Variants in DPP6 observed in about 807,000 individuals in gnomAD.
The protein encoded by DPP6 is A-type potassium channel modulatory protein DPP6.
In DPP6, 69 loss-of-function variants were observed where a neutral mutation model predicts 122.6. The observed-to-expected ratio is 0.56, with a 90% CI of 0.46 to 0.69. DPP6 has a LOEUF of 0.69. DPP6 is among the 30% of genes least tolerant of loss of function. The probability of loss-of-function intolerance (pLI) is 0.00; values close to 1 mark genes in which losing one functional copy is unlikely to be tolerated. For missense variants in DPP6, 928 were observed against 1,116.9 expected (o/e 0.83, Z 2.41); for synonymous variants, 418 against 433.1 (o/e 0.97, Z 0.43).
chr7:154,259,888 G>C (rs1321560476), intron 1 of DPP6, among the ~76,000 whole-genome samples: 1 of 152,188 alleles, frequency 6.6e-6, no homozygotes, highest in African/African-American at 2.4e-5. Context: ...TAGCAGAGCA[G>C]GCACGTGGCT....
At chr7:154,586,554 G>A (rs1324391641) in intron 5 of DPP6, among the ~76,000 whole-genome samples, 1 of 152,148 alleles carries the variant, frequency 6.6e-6, no homozygotes, top group Non-Finnish European at 1.5e-5. Context: ...ATGAAGCTGT[G>A]CTGCCCAGGC....
At chr7:154,202,316 A>G (rs1040390791) in intron 1 of DPP6, among the ~76,000 whole-genome samples, 3 of 152,216 alleles carry the variant, frequency 2.0e-5, no homozygotes, top group African/African-American at 7.2e-5. Context: ...TGGAGGAGTA[A>G]AAATACGGTG....
intron 1 of DPP6, chr7:154,095,978 A>G (rs1210890382): frequency 7.8e-6 from 1 of 128,396 alleles, no homozygotes; most frequent in Admixed American, 8.3e-5. Flanking sequence ...AGGCGAGACC[A>G]GGGAGTCGAG....
chr7:154,741,425 G>A (rs1186192713), intron 8 of DPP6, among the ~76,000 whole-genome samples: 1 of 152,214 alleles, frequency 6.6e-6, no homozygotes, highest in African/African-American at 2.4e-5. Flanking sequence ...GCTCCATCCA[G>A]TCGATGGAAA....
intron 5 of DPP6, among the ~76,000 whole-genome samples, chr7:154,632,184 G>A (rs922697249): frequency 6.6e-6 from 1 of 152,174 alleles, no homozygotes; most frequent in Non-Finnish European, 1.5e-5. Flanking sequence ...AGTAGGTTAT[G>A]GTCTGTTTAC....
At chr7:154,871,857 A>G (rs1000290488) in intron 18 of DPP6, among the ~76,000 whole-genome samples, 1 of 152,248 alleles carries the variant, frequency 6.6e-6, no homozygotes, top group Non-Finnish European at 1.5e-5. Context: ...ACATCAACAA[A>G]TAAATTCAAC....
the DPP6 span, among the ~76,000 whole-genome samples, chr7:153,825,003 G>A: frequency 9.2e-5 from 14 of 152,196 alleles, 1 homozygote; most frequent in Admixed American, 5.2e-4. Context: ...AGGGGAGGCA[G>A]CACTCTCATC....
intron 2 of DPP6, among the ~76,000 whole-genome samples, chr7:154,471,988 TC>T (rs1822317106): frequency 3.3e-5 from 5 of 151,996 alleles, no homozygotes; most frequent in Admixed American, 3.3e-4. Flanking sequence ...ACTGAAGAAA[TC>T]ATCCAAATAC....
Position 154,803,863 on chromosome 7 carries a change from G to A in DPP6, c.1408-1G>A, listed in dbSNP as rs1798529714. ...CCTGATGCCATGTCTGTGTGTTTCAGCCCAACAGCAGCAACGACAACATCC... is the reference window on the plus strand; with the variant it reads ...CCTGATGCCATGTCTGTGTGTTTCAACCCAACAGCAGCAACGACAACATCC... On this transcript the variant is annotated splice_acceptor_variant, in intron 13 of 25. Coordinates refer to ENST00000377770, the MANE Select transcript of DPP6 (RefSeq NM_130797.4). LOFTEE classifies it high-confidence loss of function. 1 of 1,613,338 alleles carries A rather than the reference G, an allele frequency of 6.2e-7. No homozygotes were observed. Among genetic ancestry groups the A allele is most frequent in the African/African-American group, 1.3e-5 (1 of 74,916 alleles).
chr7:154,291,227 A>G (rs904486477), intron 1 of DPP6, among the ~76,000 whole-genome samples: 88 of 152,174 alleles, frequency 5.8e-4, no homozygotes, highest in African/African-American at 1.9e-3. Context: ...CCCTAACATT[A>G]CATTAGAAAC....
Position 154,885,663 on chromosome 7 carries a change from C to T in DPP6, c.2164C>T (p.Leu722Phe), listed in dbSNP as rs775140592. Residue 722 changes from leucine (L) to phenylalanine (F), a missense_variant, in exon 22 of 26, where the codon CTC becomes TTC. Coordinates refer to ENST00000377770, the MANE Select transcript of DPP6 (RefSeq NM_130797.4). Reference sequence around the variant, plus strand: ...CGGTGGCTACCTGAGCACCTACATCCTCCCAGCAAAGGGAGAAAATCAAGG... The same window carrying T: ...CGGTGGCTACCTGAGCACCTACATCTTCCCAGCAAAGGGAGAAAATCAAGG... ...DYGGYLSTYI[L>F]PAKGENQGQT... 1.3e-6 allele frequency: 2 copies of T among 1,587,896 alleles called. No individual in the cohort carries two copies. Among genetic ancestry groups the T allele is most frequent in the East Asian group, 2.3e-5 (1 of 43,620 alleles).
At chr7:154,758,987 C>T (rs1487879277) in intron 8 of DPP6, among the ~76,000 whole-genome samples, 1 of 152,184 alleles carries the variant, frequency 6.6e-6, no homozygotes, top group African/African-American at 2.4e-5. Context: ...CTCAAAGTTG[C>T]TCTTCTCTTT....
At position 154,483,637 on chromosome 7, in the gene DPP6, A is replaced by G. The variant is rs1823523210; in HGVS notation, c.457+8600A>G. ...TCTGACTGGTTAGTCTTTAAGTTTCACTTTTCTTTAATATAGGCATTTATG... is the reference window on the plus strand; with the variant it reads ...TCTGACTGGTTAGTCTTTAAGTTTCGCTTTTCTTTAATATAGGCATTTATG... On this transcript the variant is annotated intron_variant, in intron 3 of 25. Coordinates refer to ENST00000377770, the MANE Select transcript of DPP6 (RefSeq NM_130797.4). This position sits in a 1 kb window ranked among gnomAD's most constrained non-coding sequence, Gnocchi z 8.1. 6.6e-6 allele frequency among the ~76,000 whole-genome samples: 1 copy of G among 152,156 alleles called. No homozygotes were observed. The highest frequency in any genetic ancestry group is 6.5e-5 in the Admixed American group (1 of 15,282).
chr7:153,826,152 A>G, the DPP6 span, among the ~76,000 whole-genome samples: 3,383 of 152,322 alleles, frequency 0.022, 122 homozygotes, highest in African/African-American at 0.076. Flanking sequence ...CTGAACTGCC[A>G]GGGCCATCTC....
At chr7:154,147,500 C>T (rs1414005868) in intron 1 of DPP6, among the ~76,000 whole-genome samples, 7,255 of 140,918 alleles carry the variant, frequency 0.051, no homozygotes, top group African/African-American at 0.19. Context: ...CTTTCTTTTT[C>T]TGTCGGAGTC....
the DPP6 span, among the ~76,000 whole-genome samples, chr7:153,762,051 T>C: frequency 6.6e-6 from 1 of 152,336 alleles, no homozygotes; most frequent in East Asian, 1.9e-4. Context: ...CCTGCAGTCA[T>C]AGAAATATGC....
At chr7:154,850,789 T>C (rs1802307634) in intron 16 of DPP6, among the ~76,000 whole-genome samples, 2 of 152,334 alleles carry the variant, frequency 1.3e-5, no homozygotes, top group East Asian at 3.9e-4. Flanking sequence ...TTATCAGCTG[T>C]AACATCTCTT....
At chr7:154,515,890 A>G (rs1826456378) in intron 3 of DPP6, among the ~76,000 whole-genome samples, 1 of 152,140 alleles carries the variant, frequency 6.6e-6, no homozygotes, top group African/African-American at 2.4e-5. Flanking sequence ...AATAGGAAAA[A>G]CCATCATCAA....
At chr7:154,194,748 T>C (rs1025262563) in intron 1 of DPP6, among the ~76,000 whole-genome samples, 3 of 152,248 alleles carry the variant, frequency 2.0e-5, no homozygotes, top group Admixed American at 1.3e-4. Flanking sequence ...AAGTTTTTCG[T>C]GGACTTATTC....
Sources: gnomAD v4.1 joint callset for allele counts (sites outside exome capture counted in the v4.1 genomes callset) on GRCh38, gnomAD v4.1.1 for gene constraint, Gnocchi (gnomAD v3.1) non-coding constraint, MANE v1.5 for transcripts, NCBI Gene and HGNC (gene_info 2026-07-23, HGNC 2026-07-21) for gene names.